DNAH9: variants seen among roughly 807,000 people sequenced by gnomAD.
DNAH9 encodes the protein dynein axonemal heavy chain 9.
Under a neutral mutation model 471.6 loss-of-function variants are expected in DNAH9, and 345 were observed. That is an observed-to-expected ratio of 0.73 (90% CI 0.67 to 0.80). DNAH9 has a LOEUF of 0.80. Among genes scored for constraint, DNAH9 ranks in the 30% least tolerant of loss-of-function variants. DNAH9 has a pLI of 0.00. For synonymous variants in DNAH9, 2,093 were observed against 2,123.6 expected, an observed-to-expected ratio of 0.99 and a Z score of 0.40; for missense variants, 5,407 against 5,609.2, an observed-to-expected ratio of 0.96 and a Z score of 1.15.
intron 9 of DNAH9, among the ~76,000 whole-genome samples, chr17:11,638,454 G>A (rs532862748): frequency 1.5e-4 from 23 of 151,982 alleles, no homozygotes; most frequent in African/African-American, 4.1e-4. Flanking sequence ...GCACGATCTC[G>A]GCTCATTGCA....
chr17:11,689,450 C>A, intron 19 of DNAH9, 116 bp from the exon 20 acceptor site: 1 of 855,486 alleles, frequency 1.2e-6, no homozygotes, highest in Non-Finnish European at 1.8e-6. Flanking sequence ...GTGAAAGCCA[C>A]TGCTCTTTCC....
At position 11,883,758 on chromosome 17, in the gene DNAH9, T is replaced by TTC. The variant is rs1449512696; in HGVS notation, c.10971+8_10971+9insTC. The TTC allele has an allele frequency of 6.2e-7, 1 of 1,607,456 alleles. No homozygotes were observed. Among genetic ancestry groups the TTC allele is most frequent in the African/African-American group, 1.4e-5 (1 of 70,710 alleles). The stretch of plus-strand genomic sequence containing the variant: ...GCCGAAGTTGAGAAAAAGGTAAAAC[T>TTC]CCTCTGGCTAGTCTGGGAAGGCAGC... On this transcript the variant is annotated intron_variant, in intron 56 of 68. Coordinates refer to ENST00000262442, the MANE Select transcript of DNAH9 (RefSeq NM_001372.4).
At chr17:11,850,978 G>A (rs1390950388) in intron 49 of DNAH9, among the ~76,000 whole-genome samples, 1 of 152,198 alleles carries the variant, frequency 6.6e-6, no homozygotes, top group African/African-American at 2.4e-5. Context: ...GAAAAACTGA[G>A]AATCATTTCA....
chr17:11,677,691 C>CT (rs1456121376), intron 17 of DNAH9, among the ~76,000 whole-genome samples: 1 of 151,920 alleles, frequency 6.6e-6, no homozygotes, highest in African/African-American at 2.4e-5. Flanking sequence ...GTTTGCTATT[C>CT]TTTTTCTTTT....
At chr17:11,757,276 A>G (rs1259100327) in intron 34 of DNAH9, among the ~76,000 whole-genome samples, 1 of 152,106 alleles carries the variant, frequency 6.6e-6, no homozygotes, top group African/African-American at 2.4e-5. Context: ...CTATCATCCC[A>G]GCACTTTAGG....
Position 11,891,772 on chromosome 17 carries a change from C to G in DNAH9, c.11113-5C>G. ...CCTTACCAGTTTCCTGTCTTCTGTC[C>G]CCAGGCCTTCAGTATCGTCTTCCAG... On this transcript the variant is annotated splice_region_variant and splice_polypyrimidine_tract_variant and intron_variant, in intron 57 of 68. Coordinates refer to ENST00000262442, the MANE Select transcript of DNAH9 (RefSeq NM_001372.4). 6.2e-7 allele frequency: 1 copy of G among 1,613,810 alleles called. No homozygotes were observed. The highest frequency in any genetic ancestry group is 1.1e-5 in the South Asian group (1 of 91,048).
chr17:11,833,042 T>G (rs1439934692), intron 48 of DNAH9, among the ~76,000 whole-genome samples: 1 of 152,208 alleles, frequency 6.6e-6, no homozygotes, highest in Non-Finnish European at 1.5e-5. Context: ...CTTGAGAGTT[T>G]GCATTTCTAA....
At chr17:11,737,295 C>T (rs866417203) in intron 28 of DNAH9, among the ~76,000 whole-genome samples, 25 of 152,308 alleles carry the variant, frequency 1.6e-4, no homozygotes, top group African/African-American at 5.3e-4. Flanking sequence ...TGGAGACAGC[C>T]GTGCCCAGTG....
intron 13 of DNAH9, 88 bp from the exon 14 acceptor site, chr17:11,652,673 T>A (rs4792159): frequency 8.3e-7 from 1 of 1,205,694 alleles, no homozygotes; most frequent in Non-Finnish European, 1.2e-6. Flanking sequence ...CACTCGCAAG[T>A]ATTAAATCCC....
chr17:11,947,772 A>AATTTTTTTTTTTTTTTTT lies in DNAH9; in HGVS notation c.12843+5287_12843+5288insATTTTTTTTTTTTTTTTT, dbSNP rs1555528615. On this transcript the variant is annotated intron_variant, in intron 67 of 68. Transcript: ENST00000262442. ...CAGAATCTGGGAGGGGCTGGGAACT[A>AATTTTTTTTTTTTTTTTT]TTTTTTTTTTTTTTTTTTTTTTTTT... Among the ~76,000 whole-genome samples the AATTTTTTTTTTTTTTTTT allele has an allele frequency of 2.8e-5, 3 of 108,344 alleles. 1 individual carries two copies. Among genetic ancestry groups the AATTTTTTTTTTTTTTTTT allele is most frequent in the Admixed American group, 1.0e-4 (1 of 9,916 alleles). The allele number at this position is 108,344 out of a possible 152,430, so 71.1% of individuals were successfully genotyped here.
At chr17:11,854,568 A>C in intron 50 of DNAH9, 140 bp downstream of exon 50, 1 of 1,077,932 alleles carries the variant, frequency 9.3e-7, no homozygotes. Context: ...CTCATTTTTC[A>C]GTAGAGGCAA....
intron 42 of DNAH9, among the ~76,000 whole-genome samples, chr17:11,797,389 A>T (rs1002609754): frequency 7.9e-5 from 12 of 152,164 alleles, no homozygotes; most frequent in African/African-American, 2.9e-4. Context: ...GTCCTTAAGG[A>T]ATAACAAACA....
intron 9 of DNAH9, among the ~76,000 whole-genome samples, chr17:11,637,044 C>T (rs560893465): frequency 6.6e-6 from 1 of 152,146 alleles, no homozygotes; most frequent in East Asian, 1.9e-4. Context: ...TCAGCTGAGA[C>T]CTTGGCATTA....
At chr17:11,708,975 G>A (rs1213931256) in intron 26 of DNAH9, among the ~76,000 whole-genome samples, 2 of 152,132 alleles carry the variant, frequency 1.3e-5, no homozygotes, top group Non-Finnish European at 2.9e-5. Flanking sequence ...ATAGGGATGT[G>A]CCCGGCCTTC....
In DNAH9 at chr17:11,694,404, C is replaced by T. The variant is rs758330965; in HGVS notation, c.4829C>T (p.Ser1610Phe). Reference protein sequence around the residue: ...AFPRFYFLSSSDLLDILSNGT... With the variant: ...AFPRFYFLSSFDLLDILSNGT... ...CCGCGGTTTTACTTTCTCTCCTCCT[C>T]CGATCTGTTAGACATCCTTTCCAAC... is the stretch of plus-strand genomic sequence containing the variant. The change falls in exon 22 of 69, where the codon TCC becomes TTC. Residue 1610 changes from serine to phenylalanine, a missense_variant. By Grantham distance (155) the Ser-to-Phe change is radical. This residue lies in a region of DNAH9 where 4,636 missense variants were observed against 4,900.3 expected (regional missense o/e 0.95). Transcript: ENST00000262442. 6.2e-7 allele frequency: 1 copy of T among 1,613,474 alleles called. No homozygotes were observed. The highest frequency in any genetic ancestry group is 1.1e-5 in the South Asian group (1 of 91,012).
chr17:11,700,011 G>A, intron 23 of DNAH9, 128 bp downstream of exon 23: 2 of 891,092 alleles, frequency 2.2e-6, no homozygotes, highest in Non-Finnish European at 3.4e-6. Context: ...TGCCCTCCAA[G>A]AGCCAGCTTC....
intron 28 of DNAH9, among the ~76,000 whole-genome samples, chr17:11,729,220 C>A (rs2075214628): frequency 6.6e-6 from 1 of 152,114 alleles, no homozygotes; most frequent in South Asian, 2.1e-4. Flanking sequence ...CTCCATTCCC[C>A]CCAGGAACCC....
chr17:11,830,769 G>A (rs1052754547), intron 48 of DNAH9, among the ~76,000 whole-genome samples: 2 of 152,144 alleles, frequency 1.3e-5, no homozygotes, highest in Non-Finnish European at 2.9e-5. Context: ...GTCAAAGATA[G>A]GGCTTAATTT....
chr17:11,628,351 C>G (rs1275551059), intron 6 of DNAH9, among the ~76,000 whole-genome samples: 4 of 152,214 alleles, frequency 2.6e-5, no homozygotes, highest in Non-Finnish European at 5.9e-5. Context: ...GTCATTGGAT[C>G]TCAAGCACAC....
Sources: allele counts gnomAD v4.1 joint callset (sites outside exome capture counted in the v4.1 genomes callset), GRCh38; gene constraint gnomAD v4.1.1; regional missense constraint gnomAD v4.1.1; transcripts MANE v1.5; gene names NCBI Gene and HGNC (gene_info 2026-07-23, HGNC 2026-07-21).